The following STK3 variants were observed in gnomAD, a reference collection of about 807,000 sequenced individuals.
The protein encoded by STK3 is serine/threonine-protein kinase 3.
In STK3, 41 loss-of-function variants were observed where a neutral mutation model predicts 58.0. The ratio of observed to expected loss-of-function variants is 0.71; its 90% confidence interval spans 0.55 to 0.92. STK3 has a LOEUF of 0.92. Among genes scored for constraint, STK3 ranks in the 40% least tolerant of loss-of-function variants. The pLI is 0.00. For synonymous variants in STK3, 170 were observed against 191.0 expected (o/e 0.89, Z 0.91); for missense variants, 479 against 602.7 (o/e 0.79, Z 2.15).
intron 10 of STK3, among the ~76,000 whole-genome samples, chr8:98,483,335 T>C (rs1015167059): frequency 1.3e-5 from 2 of 152,232 alleles, no homozygotes; most frequent in African/African-American, 4.8e-5. Flanking sequence ...GATCTTTAAA[T>C]AGTTCATACA....
chr8:98,856,302 G>A (rs1836677688), intron 3 of STK3, among the ~76,000 whole-genome samples: 1 of 146,614 alleles, frequency 6.8e-6, no homozygotes. Flanking sequence ...GGGTGACAGA[G>A]TGAGTGAGAC....
chr8:98,355,870 A>C, the STK3 span, among the ~76,000 whole-genome samples: 4 of 152,210 alleles, frequency 2.6e-5, no homozygotes, highest in Non-Finnish European at 5.9e-5. Context: ...CTATGTAACC[A>C]GTTCTGGTCA....
chr8:98,919,002 CT>C (rs1010834795), intron 1 of STK3, among the ~76,000 whole-genome samples: 2 of 151,732 alleles, frequency 1.3e-5, no homozygotes, highest in Non-Finnish European at 2.9e-5. Context: ...GGGAGATGGG[CT>C]CAAAACAGTG....
At chr8:98,703,423 T>C (rs1472860311) in intron 6 of STK3, among the ~76,000 whole-genome samples, 1 of 152,176 alleles carries the variant, frequency 6.6e-6, no homozygotes, top group Non-Finnish European at 1.5e-5. Context: ...GTAAAAAACT[T>C]CAATATTTCA....
At chr8:98,592,733 C>CTTACTTTA (rs1815428311) in intron 7 of STK3, among the ~76,000 whole-genome samples, 2 of 139,550 alleles carry the variant, frequency 1.4e-5, no homozygotes, top group Non-Finnish European at 3.1e-5. Context: ...CACTGACTTA[C>CTTACTTTA]TTTATTTATT....
At chr8:98,747,437 CAA>C (rs1241976956) in intron 4 of STK3, among the ~76,000 whole-genome samples, 3 of 152,100 alleles carry the variant, frequency 2.0e-5, no homozygotes, top group African/African-American at 7.2e-5. Context: ...CCTGTTTAAT[CAA>C]AGACGACTGT....
chr8:98,918,466 AT>A (rs1839427270), intron 1 of STK3, among the ~76,000 whole-genome samples: 1 of 152,194 alleles, frequency 6.6e-6, no homozygotes. Flanking sequence ...ACAACTTAGT[AT>A]TTATTAACTG....
intron 1 of STK3, among the ~76,000 whole-genome samples, chr8:98,381,822 A>C (rs1817735609): frequency 6.6e-6 from 1 of 152,236 alleles, no homozygotes; most frequent in South Asian, 2.1e-4. Flanking sequence ...TGGTGCTTGC[A>C]GCAAACTTGA....
chr8:98,440,591 T>C (rs1053862590), intron 1 of STK3, among the ~76,000 whole-genome samples: 2 of 151,832 alleles, frequency 1.3e-5, no homozygotes, highest in African/African-American at 4.8e-5. Flanking sequence ...GTGTGTACCA[T>C]TAACCAGTGG....
intron 8 of STK3, among the ~76,000 whole-genome samples, chr8:98,569,361 A>G (rs896406446): frequency 1.3e-5 from 2 of 152,144 alleles, no homozygotes; most frequent in South Asian, 4.1e-4. Flanking sequence ...AGAAGAAAAA[A>G]AAGAGGACAT....
At chr8:98,808,652 C>G (rs562195933) in intron 1 of STK3, among the ~76,000 whole-genome samples, 1 of 152,062 alleles carries the variant, frequency 6.6e-6, no homozygotes, top group Non-Finnish European at 1.5e-5. Context: ...TATCCATTTC[C>G]CAAACTTTTT....
chr8:98,769,459 C>A lies in STK3; in HGVS notation c.108-2088G>T, dbSNP rs116676546. Among the ~76,000 whole-genome samples, 1,254 of 152,292 alleles carry A rather than the reference C, an allele frequency of 8.2e-3. 14 individuals carry two copies. Among genetic ancestry groups the A allele is most frequent in the African/African-American group, 0.028 (1,144 of 41,560 alleles). On this transcript the variant is annotated intron_variant, in intron 2 of 10. Transcript: ENST00000419617. The stretch of plus-strand genomic sequence containing the variant: ...CCGCTGCCATCCATGTACGATGTGA[C>A]CTGATCTTCCTTGCCTTCCACCATG...
At chr8:98,693,054 T>G (rs1250489782) in intron 6 of STK3, among the ~76,000 whole-genome samples, 1 of 152,030 alleles carries the variant, frequency 6.6e-6, no homozygotes, top group Non-Finnish European at 1.5e-5. Context: ...CAATGACAAG[T>G]GCCCTTATAA....
intron 8 of STK3, among the ~76,000 whole-genome samples, chr8:98,573,160 G>A (rs889072584): frequency 2.0e-5 from 3 of 152,186 alleles, no homozygotes; most frequent in African/African-American, 7.2e-5. Flanking sequence ...AAAGTTTCAG[G>A]AAGGTAAGGG....
intron 3 of STK3, among the ~76,000 whole-genome samples, chr8:98,755,870 G>A (rs564966179): frequency 2.6e-5 from 4 of 152,270 alleles, no homozygotes; most frequent in East Asian, 1.9e-4. Flanking sequence ...GGCCGGGCAC[G>A]GTGGCTCATG....
intron 4 of STK3, among the ~76,000 whole-genome samples, chr8:98,720,517 G>A (rs894202661): frequency 6.6e-6 from 1 of 152,020 alleles, no homozygotes; most frequent in Non-Finnish European, 1.5e-5. Flanking sequence ...TTGGAAGGCC[G>A]AGGCAGGTGG....
At chr8:98,429,176 C>T (rs1160496881) in intron 3 of STK3, 1 of 1,613,612 alleles carries the variant, frequency 6.2e-7, no homozygotes, top group Non-Finnish European at 8.5e-7. Context: ...TGGCAGGCAT[C>T]CTCGTGGTGG....
At chr8:98,814,406 TA>T (rs1047493664) in intron 1 of STK3, among the ~76,000 whole-genome samples, 2 of 149,638 alleles carry the variant, frequency 1.3e-5, no homozygotes, top group African/African-American at 4.9e-5. Context: ...TGAAGTGGTA[TA>T]ATTACAAGTC....
chr8:98,763,210 C>T (rs1443382010), intron 3 of STK3, among the ~76,000 whole-genome samples: 1 of 152,116 alleles, frequency 6.6e-6, no homozygotes, highest in African/African-American at 2.4e-5. Context: ...TTGAATCTAG[C>T]ACTAATATTC....
Sources: gnomAD v4.1 joint callset for allele counts (sites outside exome capture counted in the v4.1 genomes callset) on GRCh38, gnomAD v4.1.1 for gene constraint, MANE v1.5 for transcripts, NCBI Gene and HGNC (gene_info 2026-07-23, HGNC 2026-07-21) for gene names.